The following ADK variants were observed in gnomAD, a reference collection of about 807,000 sequenced individuals.
ADK encodes the protein N6,N6-dimethyladenosine kinase.
Under a neutral mutation model 44.7 loss-of-function variants are expected in ADK, and 24 were observed. The ratio of observed to expected loss-of-function variants is 0.54; its 90% confidence interval spans 0.39 to 0.76. ADK has a LOEUF of 0.76. Among genes scored for constraint, ADK ranks in the 30% least tolerant of loss-of-function variants. The pLI, the probability that ADK is intolerant of heterozygous loss-of-function variation, is 0.00. For synonymous variants in ADK, 128 were observed against 142.6 expected, an observed-to-expected ratio of 0.90 and a Z score of 0.73; for missense variants, 321 against 425.1, an observed-to-expected ratio of 0.76 and a Z score of 2.15.
At chr10:74,537,563 T>G (rs978260383) in intron 7 of ADK, among the ~76,000 whole-genome samples, 1 of 152,240 alleles carries the variant, frequency 6.6e-6, no homozygotes, top group African/African-American at 2.4e-5. Context: ...AACTTGATTA[T>G]TCTTGTTTTT....
chr10:74,242,828 A>G (rs1193542015), intron 3 of ADK, among the ~76,000 whole-genome samples: 2 of 152,162 alleles, frequency 1.3e-5, no homozygotes, highest in African/African-American at 4.8e-5. Flanking sequence ...CTTTCGGGAA[A>G]AGAGATGGCT....
At chr10:74,459,558 G>A (rs888104393) in intron 6 of ADK, among the ~76,000 whole-genome samples, 9 of 151,382 alleles carry the variant, frequency 5.9e-5, no homozygotes, top group African/African-American at 9.7e-5. Flanking sequence ...GTGAAACCTC[G>A]TCTCTACTAA....
chr10:74,679,497 C>T (rs1855522643), intron 10 of ADK, among the ~76,000 whole-genome samples: 1 of 151,900 alleles, frequency 6.6e-6, no homozygotes, highest in Non-Finnish European at 1.5e-5. Context: ...GGGCAAGTTT[C>T]AATGTTCTGT....
At chr10:74,384,520 A>G (rs1843077680) in intron 4 of ADK, among the ~76,000 whole-genome samples, 2 of 152,064 alleles carry the variant, frequency 1.3e-5, no homozygotes, top group African/African-American at 4.8e-5. Flanking sequence ...AAATGCAAAT[A>G]TTAGCTGGGC....
chr10:74,552,019 T>TTTTG (rs1850051310), intron 7 of ADK, among the ~76,000 whole-genome samples: 1 of 150,774 alleles, frequency 6.6e-6, no homozygotes, highest in East Asian at 1.9e-4. Flanking sequence ...TTTTGTATTA[T>TTTTG]TATTATTATT....
chr10:74,340,917 T>C (rs576849838), intron 4 of ADK, among the ~76,000 whole-genome samples: 6 of 152,316 alleles, frequency 3.9e-5, no homozygotes, highest in African/African-American at 1.4e-4. Context: ...CATTGGAACA[T>C]TGTGTCTGAA....
intron 9 of ADK, among the ~76,000 whole-genome samples, chr10:74,625,196 T>C (rs1317751829): frequency 6.6e-6 from 1 of 152,114 alleles, no homozygotes; most frequent in Non-Finnish European, 1.5e-5. Context: ...ATAGAACAAA[T>C]GGAACAAGAA....
chr10:74,328,147 G>T (rs1564656057), intron 4 of ADK, among the ~76,000 whole-genome samples: 1 of 152,160 alleles, frequency 6.6e-6, no homozygotes, highest in Non-Finnish European at 1.5e-5. Flanking sequence ...GACCTCAAGT[G>T]ATCTGCCTGC....
chr10:74,322,044 T>C (rs1039149042), intron 4 of ADK, among the ~76,000 whole-genome samples: 3 of 152,238 alleles, frequency 2.0e-5, no homozygotes, highest in African/African-American at 7.2e-5. Context: ...TCATGTTGTT[T>C]ATCTATTTTG....
chr10:74,641,134 G>A (rs1282567376), intron 9 of ADK, among the ~76,000 whole-genome samples: 2 of 152,012 alleles, frequency 1.3e-5, no homozygotes, highest in African/African-American at 4.8e-5. Flanking sequence ...GAGTCTCAAG[G>A]GCTTGTTCAT....
At chr10:74,168,597 C>T (rs1293867024) in intron 1 of ADK, among the ~76,000 whole-genome samples, 1 of 149,834 alleles carries the variant, frequency 6.7e-6, no homozygotes, top group Non-Finnish European at 1.5e-5. Context: ...ATCAGATCTA[C>T]GTTGAAATGA....
intron 3 of ADK, among the ~76,000 whole-genome samples, chr10:74,288,882 T>C (rs1205436380): frequency 6.6e-6 from 1 of 152,208 alleles, no homozygotes; most frequent in Non-Finnish European, 1.5e-5. Flanking sequence ...TTAATATTCA[T>C]GGAAGGTATT....
chr10:74,649,905 T>A (rs1854198855), intron 9 of ADK, among the ~76,000 whole-genome samples: 1 of 152,154 alleles, frequency 6.6e-6, no homozygotes, highest in Non-Finnish European at 1.5e-5. Flanking sequence ...GATATTTCTG[T>A]CTCCATCCCT....
chr10:74,630,880 T>C lies in ADK; in HGVS notation c.877+30387T>C, dbSNP rs539413626. 2.0e-4 allele frequency among the ~76,000 whole-genome samples: 31 copies of C among 151,776 alleles called. 1 individual carries two copies. In the South Asian group the frequency reaches 6.2e-3, roughly 31 times the overall value. ...CAATTCAAAATTATACACTTATTAA[T>C]AGAGAAGAGCTTTCCCCTTTTTTTG... On this transcript the variant is annotated intron_variant, in intron 9 of 10. Coordinates refer to ENST00000539909, the MANE Select transcript of ADK (RefSeq NM_006721.4).
intron 9 of ADK, among the ~76,000 whole-genome samples, chr10:74,658,735 C>T (rs779481179): frequency 1.2e-4 from 18 of 152,012 alleles, no homozygotes; most frequent in Admixed American, 2.6e-4. Context: ...GGCTGGAAAC[C>T]AGTTCTTCAG....
At chr10:74,636,079 A>G (rs1326236108) in intron 9 of ADK, among the ~76,000 whole-genome samples, 1 of 152,080 alleles carries the variant, frequency 6.6e-6, no homozygotes, top group African/African-American at 2.4e-5. Context: ...CAACAGAGTG[A>G]GACCCTATCT....
intron 7 of ADK, among the ~76,000 whole-genome samples, chr10:74,532,140 T>G (rs1849309505): frequency 6.6e-6 from 1 of 152,118 alleles, no homozygotes; most frequent in Non-Finnish European, 1.5e-5. Context: ...ATGTTAAGAC[T>G]AAAAAGAAAA....
intron 1 of ADK, among the ~76,000 whole-genome samples, chr10:74,177,221 G>T (rs1005376810): frequency 2.0e-5 from 3 of 148,982 alleles, no homozygotes; most frequent in African/African-American, 7.8e-5. Flanking sequence ...GGGCCGGAGG[G>T]AGCGTGGCGT....
intron 6 of ADK, among the ~76,000 whole-genome samples, chr10:74,460,354 T>G (rs1393504524): frequency 6.6e-6 from 1 of 152,190 alleles, no homozygotes; most frequent in Non-Finnish European, 1.5e-5. Flanking sequence ...GGGGGTCATT[T>G]CTTGTGCTTA....
Sources: allele counts gnomAD v4.1 joint callset (sites outside exome capture counted in the v4.1 genomes callset), GRCh38; gene constraint gnomAD v4.1.1; transcripts MANE v1.5; gene names NCBI Gene and HGNC (gene_info 2026-07-23, HGNC 2026-07-21).